SBF2: variants seen among roughly 807,000 people sequenced by gnomAD.
SBF2 encodes myotubularin-related protein 13.
In SBF2, 112 loss-of-function variants were observed where a neutral mutation model predicts 225.2. The observed-to-expected ratio is 0.50, with a 90% CI of 0.43 to 0.58. The LOEUF (loss-of-function observed/expected upper bound fraction) is 0.58, where lower values mean the gene tolerates loss of function less well. Among genes scored for constraint, SBF2 ranks in the 20% least tolerant of loss-of-function variants. The pLI is 0.00. For missense variants in SBF2, 1,996 were observed against 2,206.2 expected (o/e 0.90, Z 1.91); for synonymous variants, 763 against 773.3 (o/e 0.99, Z 0.22).
chr11:10,269,382 A>C (rs754173428), intron 1 of SBF2, among the ~76,000 whole-genome samples: 4 of 152,216 alleles, frequency 2.6e-5, no homozygotes, highest in Non-Finnish European at 5.9e-5. Flanking sequence ...TAACCGGTCC[A>C]GCTTAAAGTA....
intron 22 of SBF2, among the ~76,000 whole-genome samples, chr11:9,848,998 C>T (rs954454149): frequency 2.0e-5 from 3 of 152,172 alleles, no homozygotes; most frequent in African/African-American, 7.2e-5. Context: ...ATAGTGCATA[C>T]TCATCAAATG....
intron 36 of SBF2, among the ~76,000 whole-genome samples, chr11:9,786,903 A>AC (rs536914921): frequency 4.0e-5 from 6 of 149,826 alleles, no homozygotes; most frequent in African/African-American, 1.5e-4. Flanking sequence ...ATATATATAC[A>AC]TTTTTTTGAG....
At chr11:10,079,816 G>GA (rs1464819538) in intron 2 of SBF2, among the ~76,000 whole-genome samples, 1 of 151,574 alleles carries the variant, frequency 6.6e-6, no homozygotes, top group African/African-American at 2.4e-5. Flanking sequence ...ATTAAGAGGG[G>GA]AAAAAAAATT....
chr11:9,791,079 C>T (rs1056230152), intron 33 of SBF2: 8 of 180,944 alleles, frequency 4.4e-5, no homozygotes, highest in Non-Finnish European at 9.3e-5. Flanking sequence ...TTATGTTTCT[C>T]TTTTAAGTTG....
At chr11:10,014,690 CTTTTAA>C (rs1948588053) in intron 6 of SBF2, among the ~76,000 whole-genome samples, 1 of 151,912 alleles carries the variant, frequency 6.6e-6, no homozygotes, top group African/African-American at 2.4e-5. Context: ...TTTACATATG[CTTTTAA>C]TTTTAAGGTA....
At chr11:10,128,597 A>C (rs1953874644) in intron 2 of SBF2, among the ~76,000 whole-genome samples, 1 of 152,228 alleles carries the variant, frequency 6.6e-6, no homozygotes, top group East Asian at 1.9e-4. Flanking sequence ...AATAATCTGT[A>C]GTTGTACATT....
At chr11:10,290,472 C>T (rs1208964453) in intron 1 of SBF2, among the ~76,000 whole-genome samples, 1 of 151,914 alleles carries the variant, frequency 6.6e-6, no homozygotes, top group Non-Finnish European at 1.5e-5. Context: ...GAGTCATAAC[C>T]AGAGTGCTGG....
upstream of SBF2, among the ~76,000 whole-genome samples, chr11:10,297,912 A>G (rs1964562838): frequency 6.6e-6 from 1 of 152,264 alleles, no homozygotes; most frequent in South Asian, 2.1e-4. Flanking sequence ...AGGCAGCCTG[A>G]TTACTGAGGT....
chr11:9,822,547 A>G (rs1854826654), intron 28 of SBF2, among the ~76,000 whole-genome samples: 1 of 152,194 alleles, frequency 6.6e-6, no homozygotes, highest in Admixed American at 6.5e-5. Flanking sequence ...GGCGTGAGCC[A>G]CCGCACCCGG....
intron 6 of SBF2, among the ~76,000 whole-genome samples, chr11:10,009,920 G>C (rs1948370928): frequency 6.6e-6 from 1 of 152,056 alleles, no homozygotes. Context: ...AGCATCTGTT[G>C]TTTCCTTTTT....
At chr11:10,019,462 C>G (rs1948765251) in intron 6 of SBF2, among the ~76,000 whole-genome samples, 1 of 152,064 alleles carries the variant, frequency 6.6e-6, no homozygotes, top group African/African-American at 2.4e-5. Context: ...AAATAGGGCA[C>G]AAGATGCCAT....
intron 1 of SBF2, among the ~76,000 whole-genome samples, chr11:10,246,475 G>A (rs1959804812): frequency 6.6e-6 from 1 of 152,066 alleles, no homozygotes; most frequent in African/African-American, 2.4e-5. Context: ...GTAGACACGG[G>A]GTTTCACCAT....
At chr11:10,262,405 T>C (rs974680259) in intron 1 of SBF2, among the ~76,000 whole-genome samples, 2 of 152,182 alleles carry the variant, frequency 1.3e-5, no homozygotes, top group Non-Finnish European at 2.9e-5. Context: ...TCCTTCAAAG[T>C]GCAACTCAAA....
At chr11:9,800,050 C>T (rs1354296256) in intron 32 of SBF2, among the ~76,000 whole-genome samples, 6 of 152,026 alleles carry the variant, frequency 3.9e-5, no homozygotes, top group African/African-American at 1.4e-4. Context: ...CCAGCCTGGC[C>T]AATATGGTGA....
intron 33 of SBF2, chr11:9,791,077 CTCTTTTAAGTTGT>C (rs912203922): frequency 5.5e-6 from 1 of 182,498 alleles, no homozygotes; most frequent in Admixed American, 5.6e-5. Context: ...TTTTATGTTT[CTCTTTTAAGTTGT>C]TGGCTGTTTG....
At chr11:10,227,444 T>A (rs1386763141) in intron 1 of SBF2, among the ~76,000 whole-genome samples, 1 of 152,226 alleles carries the variant, frequency 6.6e-6, no homozygotes, top group African/African-American at 2.4e-5. Flanking sequence ...CTAGGGTTTT[T>A]ATGGTTTTAG....
chr11:9,974,133 T>C (rs1408439313), intron 13 of SBF2, among the ~76,000 whole-genome samples: 2 of 152,154 alleles, frequency 1.3e-5, no homozygotes, highest in East Asian at 1.9e-4. Flanking sequence ...TCCAACTTCA[T>C]AGGACTTTCA....
At chr11:9,809,109 G>T (rs928989220) in intron 30 of SBF2, 107 bp from the exon 31 acceptor site, 7 of 773,112 alleles carry the variant, frequency 9.1e-6, no homozygotes, top group East Asian at 5.2e-5. Flanking sequence ...GGGATAAAGC[G>T]CTTGCACAAA....
At chr11:9,845,036 AT>A (rs1337795490) in intron 24 of SBF2, among the ~76,000 whole-genome samples, 2 of 152,178 alleles carry the variant, frequency 1.3e-5, no homozygotes, top group African/African-American at 2.4e-5. Flanking sequence ...CTCAAAAAAA[AT>A]ATGTGTATAT....
Sources: allele counts gnomAD v4.1 joint callset (sites outside exome capture counted in the v4.1 genomes callset), GRCh38; gene constraint gnomAD v4.1.1; transcripts MANE v1.5; gene names NCBI Gene and HGNC (gene_info 2026-07-23, HGNC 2026-07-21).